Variants in SF3B3 observed in about 807,000 individuals in gnomAD.
SF3B3 encodes the protein splicing factor 3b subunit 3, also known as SAP 130.
Under a neutral mutation model 139.2 loss-of-function variants are expected in SF3B3, and 33 were observed. The observed-to-expected ratio is 0.24, with a 90% CI of 0.18 to 0.32. The LOEUF is 0.32. Ranked by LOEUF, SF3B3 falls within the 10% of genes least tolerant of loss-of-function variation. SF3B3 has a pLI of 1.00. For missense variants in SF3B3, 818 were observed against 1,509.4 expected (o/e 0.54, Z 7.59); for synonymous variants, 596 against 563.6 (o/e 1.06, Z -0.81).
At position 70,560,518 on chromosome 16, in the gene SF3B3, C is replaced by G; in HGVS notation, c.2060C>G (p.Ser687Cys). The change falls in exon 16 of 26, where the codon TCT (serine) becomes TGT (cysteine). Residue 687 changes from serine to cysteine, a missense_variant. Around this residue, in one of 14 missense-constraint regions of SF3B3, gnomAD observed 170 missense variants for 353.0 expected, o/e 0.48. Transcript: ENST00000302516. ...TVLDPVTGDL[S>C]DTRTRYLGSR... ...TTGGACCCTGTCACTGGGGATTTGT[C>G]TGATACTCGCACTCGGTACCTGGGG... 2 of 1,613,958 alleles carry G rather than the reference C, an allele frequency of 1.2e-6. No homozygotes were observed. The highest frequency in any genetic ancestry group is 8.5e-7 in the Non-Finnish European group (1 of 1,179,894).
At chr16:70,525,946 T>C (rs916979558) in intron 1 of SF3B3, among the ~76,000 whole-genome samples, 3 of 128,884 alleles carry the variant, frequency 2.3e-5, no homozygotes, top group African/African-American at 8.8e-5. Context: ...GGGCGACAGA[T>C]TGAGACGCCT....
chr16:70,559,924 G>T (rs563786762), intron 15 of SF3B3, among the ~76,000 whole-genome samples: 99 of 152,042 alleles, frequency 6.5e-4, no homozygotes, highest in South Asian at 1.0e-3. Flanking sequence ...AGGGGTGCGG[G>T]GGGGTGGTAA....
At chr16:70,570,374 G>T (rs139959566) in intron 24 of SF3B3, among the ~76,000 whole-genome samples, 1,282 of 125,002 alleles carry the variant, frequency 0.01, 19 homozygotes, top group African/African-American at 0.037. Context: ...ACTGTTACCC[G>T]GGCTGGAGTG....
chr16:70,563,839 G>A (rs1567423718), intron 17 of SF3B3, 37 bp from the exon 18 acceptor site: 3 of 1,605,436 alleles, frequency 1.9e-6, no homozygotes, highest in Non-Finnish European at 2.6e-6. Context: ...CTGGGTCCGA[G>A]TGAGTATTAA....
chr16:70,526,695 C>T lies in SF3B3; in HGVS notation c.39C>T (p.Gly13=). 1 of 1,614,048 alleles carries T rather than the reference C, an allele frequency of 6.2e-7. No individual in the cohort carries two copies. The stretch of plus-strand genomic sequence containing the variant: ...ACTTAACCTTGCAGAGAGCCACTGG[C>T]ATCAGCTTTGCCATTCATGGAAACT... ...LYNLTLQRAT[G]ISFAIHGNFS... The change falls in exon 2 of 26, where the codon GGC becomes GGT. Residue 13 remains glycine (G), a synonymous_variant. Transcript: ENST00000302516.
intron 14 of SF3B3, 153 bp downstream of exon 14, chr16:70,556,487 A>G (rs2050380726): frequency 3.9e-6 from 3 of 775,118 alleles, no homozygotes; most frequent in Admixed American, 2.5e-5. Context: ...TTGTCATTGC[A>G]GTGTGTTTCA....
Position 70,556,316 on chromosome 16 carries a change from C to A in SF3B3, c.1848C>A (p.Ile616=). ...GGCTTGTGGACAACACTGTCAGAATCATCTCCCTGGATCCCTCAGTGAGTG... is the reference window on the plus strand; with the variant it reads ...GGCTTGTGGACAACACTGTCAGAATAATCTCCCTGGATCCCTCAGTGAGTG... ...AVGLVDNTVR[I]ISLDPSDCLQ... Residue 616 remains isoleucine (I), a synonymous_variant, in exon 14 of 26, where the codon ATC becomes ATA. Transcript: ENST00000302516. 6.2e-7 allele frequency: 1 copy of A among 1,614,182 alleles called. No individual in the cohort carries two copies. The highest frequency in any genetic ancestry group is 8.5e-7 in the Non-Finnish European group (1 of 1,180,024).
chr16:70,530,174 G>A (rs947685881), intron 3 of SF3B3, among the ~76,000 whole-genome samples: 2 of 138,488 alleles, frequency 1.4e-5, no homozygotes, highest in African/African-American at 5.6e-5. Flanking sequence ...AAATAAATAA[G>A]AGAGAGATGG....
At chr16:70,541,464 A>G (rs2050218301) in intron 8 of SF3B3, among the ~76,000 whole-genome samples, 1 of 152,196 alleles carries the variant, frequency 6.6e-6, no homozygotes, top group Non-Finnish European at 1.5e-5. Flanking sequence ...TTGTGCTATA[A>G]ATAAAATACT....
chr16:70,568,133 T>C, intron 21 of SF3B3, 150 bp from the exon 22 acceptor site: 1 of 665,130 alleles, frequency 1.5e-6, no homozygotes, highest in Non-Finnish European at 2.7e-6. Flanking sequence ...ATTTGGCTCT[T>C]TTTTCCCACC....
At chr16:70,544,343 G>A (rs1445712806) in intron 9 of SF3B3, 95 bp from the exon 10 acceptor site, 11 of 728,342 alleles carry the variant, frequency 1.5e-5, no homozygotes, top group Non-Finnish European at 2.5e-5. Context: ...TAATTGTATT[G>A]GAAAGCAGCT....
rs932813263 is a variant in SF3B3 at position 70,561,829 on chromosome 16, C to A, written c.2288+45C>A. The A allele has an allele frequency of 1.9e-6, 3 of 1,561,646 alleles. No individual in the cohort carries two copies. The African/African-American group carries it at 4.1e-5, about 21-fold the overall frequency. On this transcript the variant is annotated intron_variant, in intron 17 of 25. Coordinates refer to ENST00000302516, the MANE Select transcript of SF3B3 (RefSeq NM_012426.5). ...GAAGCTCAGCAGGAAGCCTTTCTGC[C>A]AAGGGCTCAGACTGGTTCTGCCAGA...
chr16:70,538,482 C>A, intron 7 of SF3B3, 22 bp downstream of exon 7: 1 of 1,595,540 alleles, frequency 6.3e-7, no homozygotes, highest in South Asian at 1.1e-5. Flanking sequence ...ATGGATGGAC[C>A]AGTATAGCTA....
At chr16:70,549,865 C>T (rs2050305667) in intron 11 of SF3B3, among the ~76,000 whole-genome samples, 1 of 152,148 alleles carries the variant, frequency 6.6e-6, no homozygotes, top group Admixed American at 6.5e-5. Flanking sequence ...GCGGAGGTTG[C>T]AGTGAGCCGA....
At chr16:70,539,646 C>G (rs1325751118) in intron 8 of SF3B3, among the ~76,000 whole-genome samples, 1 of 152,064 alleles carries the variant, frequency 6.6e-6, no homozygotes, top group Non-Finnish European at 1.5e-5. Context: ...TTGTTCTATC[C>G]TTGTAGAGTC....
At chr16:70,541,966 C>A in intron 9 of SF3B3, 132 bp downstream of exon 9, 1 of 754,690 alleles carries the variant, frequency 1.3e-6, no homozygotes, top group Non-Finnish European at 2.0e-6. Flanking sequence ...AGTTTGAGCA[C>A]AAAAAACCAT....
intron 1 of SF3B3, among the ~76,000 whole-genome samples, chr16:70,525,979 A>AAAT (rs1567406763): frequency 2.7e-5 from 4 of 147,492 alleles, no homozygotes; most frequent in African/African-American, 1.0e-4. Context: ...AAAAAAAAAA[A>AAAT]AGGAAAAAAA....
At chr16:70,547,555 G>A (rs559200260) in intron 10 of SF3B3, among the ~76,000 whole-genome samples, 1 of 152,260 alleles carries the variant, frequency 6.6e-6, no homozygotes, top group South Asian at 2.1e-4. Context: ...AATCTAATCA[G>A]AAAGACAAAA....
chr16:70,541,985 CCT>C, intron 9 of SF3B3, 151 bp downstream of exon 9: 1 of 648,578 alleles, frequency 1.5e-6, no homozygotes. Flanking sequence ...ATTAATAAGT[CCT>C]CGGGCTTTTT....
Sources: gnomAD v4.1 joint callset for allele counts (sites outside exome capture counted in the v4.1 genomes callset) on GRCh38, gnomAD v4.1.1 for gene constraint, gnomAD v4.1.1 regional missense constraint, MANE v1.5 for transcripts, NCBI Gene and HGNC (gene_info 2026-07-23, HGNC 2026-07-21) for gene names.